The following UGT1A4 variants were observed in gnomAD, a reference collection of about 807,000 sequenced individuals.
UGT1A4 encodes the protein UDP glucuronosyltransferase family 1 member A4.
Under a neutral mutation model 41.1 loss-of-function variants are expected in UGT1A4, and 32 were observed. The ratio of observed to expected loss-of-function variants is 0.78; its 90% CI spans 0.59 to 1.05. The LOEUF (loss-of-function observed/expected upper bound fraction) is 1.05, where lower values mean the gene tolerates loss of function less well. Ranked by LOEUF, UGT1A4 falls within the 50% of genes least tolerant of loss-of-function variation. UGT1A4 has a pLI of 0.00. For missense variants in UGT1A4, 748 were observed against 677.4 expected (o/e 1.10, Z -1.16); for synonymous variants, 283 against 265.1 (o/e 1.07, Z -0.66).
Position 233,772,749 on chromosome 2 carries a change from G to C in UGT1A4, c.*190G>C. 7.0e-7 allele frequency: 1 copy of C among 1,420,230 alleles called. No homozygotes were observed. Among genetic ancestry groups the C allele is most frequent in the East Asian group, 2.5e-5 (1 of 40,006 alleles). 88.0% of individuals were successfully genotyped at this position (1,420,230 alleles called of 1,614,324 possible). Reference sequence around the variant, plus strand: ...GACTCGCTAGTCAGTAAAGATATTTGAATATGTATCGTGCCCCCTCTGGTG... The same window carrying C: ...GACTCGCTAGTCAGTAAAGATATTTCAATATGTATCGTGCCCCCTCTGGTG... On this transcript the variant is annotated 3_prime_UTR_variant, in exon 5 of 5. Coordinates refer to ENST00000373409, the MANE Select transcript of UGT1A4 (RefSeq NM_007120.3).
rs558465100 is a variant in UGT1A4, at chr2:233,752,900, G to C, written c.868-14134G>C. 2.3e-4 allele frequency among the ~76,000 whole-genome samples: 35 copies of C among 152,364 alleles called. No individual in the cohort carries two copies. The South Asian group carries it at 6.8e-3, about 30-fold the overall frequency. ...GTTAAAACTAGCCAGCGTTGTTACA[G>C]ATCCACCTCTGAGTGACACTGGTAT... On this transcript the variant is annotated intron_variant, in intron 1 of 4. Transcript: ENST00000373409.
At position 233,719,289 on chromosome 2, in the gene UGT1A4, T is replaced by A; in HGVS notation, c.469T>A (p.Cys157Ser). 6.2e-7 allele frequency: 1 copy of A among 1,614,098 alleles called. No individual in the cohort carries two copies. The highest frequency in any genetic ancestry group is 1.3e-5 in the African/African-American group (1 of 75,046). The change falls in exon 1 of 5, where the codon TGT becomes AGT. Residue 157 changes from cysteine to serine, a missense_variant. Cys to Ser is a moderately radical substitution (Grantham distance 112). Transcript: ENST00000373409. ...GGTTTTAACAGACCCCGTTAACCTCTGTGGGGCGGTGCTGGCTAAGTACCT... is the reference window on the plus strand; with the variant it reads ...GGTTTTAACAGACCCCGTTAACCTCAGTGGGGCGGTGCTGGCTAAGTACCT... Reference protein sequence around the residue: ...DVVLTDPVNLCGAVLAKYLSI... With the variant: ...DVVLTDPVNLSGAVLAKYLSI...
At chr2:233,764,352 G>A (rs1698541814) in intron 1 of UGT1A4, among the ~76,000 whole-genome samples, 1 of 152,214 alleles carries the variant, frequency 6.6e-6, no homozygotes, top group Admixed American at 6.5e-5. Context: ...CCTTTATTGA[G>A]CCTCATAGTA....
intron 1 of UGT1A4, chr2:233,743,968 T>C (rs1283229468): frequency 3.0e-6 from 4 of 1,327,120 alleles, no homozygotes; most frequent in Non-Finnish European, 4.0e-6. Context: ...GCGGCAAGGC[T>C]GCCAGCACCC....
chr2:233,740,927 G>A (rs1691506566), intron 1 of UGT1A4: 1 of 150,310 alleles, frequency 6.7e-6, no homozygotes, highest in African/African-American at 2.5e-5. Flanking sequence ...TCCACAAAAA[G>A]TTTTTTTTTT....
chr2:233,740,221 TC>T (rs1691341111), intron 1 of UGT1A4, among the ~76,000 whole-genome samples: 1 of 151,864 alleles, frequency 6.6e-6, no homozygotes, highest in Non-Finnish European at 1.5e-5. Flanking sequence ...CTCAGCTGCG[TC>T]TTTATAGCAG....
Position 233,747,361 on chromosome 2 carries a change from A to T in UGT1A4, c.868-19673A>T, listed in dbSNP as rs1260496106. 17 of 1,603,206 alleles carry T rather than the reference A, an allele frequency of 1.1e-5. No individual in the cohort carries two copies. In the African/African-American group the frequency reaches 1.9e-4, roughly 18 times the overall value. On this transcript the variant is annotated intron_variant, in intron 1 of 4. Coordinates refer to ENST00000373409, the MANE Select transcript of UGT1A4 (RefSeq NM_007120.3). Reference sequence around the variant, plus strand: ...GCTCGCATGCGGGAGGCCGTGCGGGAGCTCCATGCCAGAGGCCACCAGGCG... The same window carrying T: ...GCTCGCATGCGGGAGGCCGTGCGGGTGCTCCATGCCAGAGGCCACCAGGCG...
chr2:233,762,171 C>T (rs564011835), intron 1 of UGT1A4, among the ~76,000 whole-genome samples: 29 of 152,266 alleles, frequency 1.9e-4, no homozygotes, highest in African/African-American at 6.5e-4. Flanking sequence ...CTGTATGCGG[C>T]GTCCTCAACA....
At chr2:233,768,719 A>G (rs553176637) in intron 4 of UGT1A4, among the ~76,000 whole-genome samples, 366 of 149,864 alleles carry the variant, frequency 2.4e-3, no homozygotes, top group African/African-American at 8.5e-3. Flanking sequence ...TGTAGCTGGG[A>G]TTACAGGTGT....
In UGT1A4 at chr2:233,769,405, G is replaced by A. The variant is rs932646645; in HGVS notation, c.1307+966G>A. On this transcript the variant is annotated intron_variant, in intron 4 of 4. Coordinates refer to ENST00000373409, the MANE Select transcript of UGT1A4 (RefSeq NM_007120.3). This position sits in a 1 kb window ranked among gnomAD's most constrained non-coding sequence, Gnocchi z 4.4. ...CAATAGATACTGTGTGCATATGTGC[G>A]TGTGCGTTTGTGCATGTGGCTGTGC... 111 of 1,239,692 alleles carry A rather than the reference G, an allele frequency of 9.0e-5. No homozygotes were observed. The South Asian group carries it at 1.2e-3, about 14-fold the overall frequency. The allele number at this position is 1,239,692 out of a possible 1,614,324, so 76.8% of individuals were successfully genotyped here.
Position 233,772,379 on chromosome 2 carries a change from G to A in UGT1A4, c.1425G>A (p.Leu475=), listed in dbSNP as rs1255487594. ...FVMRHKGAPH[L]RPAAHDLTWY... is the part of the protein sequence containing the mutation. ...TGAGGCACAAGGGCGCGCCACACCTGCGCCCCGCAGCCCACGACCTCACCT... is the reference window on the plus strand; with the variant it reads ...TGAGGCACAAGGGCGCGCCACACCTACGCCCCGCAGCCCACGACCTCACCT... The change falls in exon 5 of 5, where the codon CTG becomes CTA. Residue 475 remains leucine, a synonymous_variant. Transcript: ENST00000373409. 1.2e-6 allele frequency: 2 copies of A among 1,614,130 alleles called. No individual in the cohort carries two copies. The highest frequency in any genetic ancestry group is 2.7e-5 in the African/African-American group (2 of 74,950).
At chr2:233,731,444 C>T (rs1406518964) in intron 1 of UGT1A4, among the ~76,000 whole-genome samples, 1 of 152,126 alleles carries the variant, frequency 6.6e-6, no homozygotes, top group Non-Finnish European at 1.5e-5. Flanking sequence ...CAGTCCCCCA[C>T]CCCACAACAG....
In UGT1A4 at chr2:233,725,255, AGAGGCAGAG is replaced by A. The variant is rs1488139555; in HGVS notation, c.867+5579_867+5587del. On this transcript the variant is annotated intron_variant, in intron 1 of 4. Coordinates refer to ENST00000373409, the MANE Select transcript of UGT1A4 (RefSeq NM_007120.3). Reference sequence around the variant, plus strand: ...CAGAGGAGGCAGAGGCAGAGGAGGCAGAGGCAGAGGAGGCAGAGGCAGAGGCAGAGGCAG... The same window carrying A: ...CAGAGGAGGCAGAGGCAGAGGAGGCAGAGGCAGAGGCAGAGGCAGAGGCAG... Among the ~76,000 whole-genome samples, 19 of 63,990 alleles carry A rather than the reference AGAGGCAGAG, an allele frequency of 3.0e-4. 2 individuals carry two copies. Among genetic ancestry groups the A allele is most frequent in the African/African-American group, 1.5e-3 (12 of 7,816 alleles). 42.0% of individuals were successfully genotyped at this position (63,990 alleles called of 152,430 possible).
chr2:233,734,814 T>C (rs1435677424), intron 1 of UGT1A4, among the ~76,000 whole-genome samples: 1 of 152,246 alleles, frequency 6.6e-6, no homozygotes, highest in East Asian at 1.9e-4. Flanking sequence ...TTCCATGTAG[T>C]TGTGCGATTT....
intron 1 of UGT1A4, among the ~76,000 whole-genome samples, chr2:233,724,130 C>A (rs2077172730): frequency 2.5e-5 from 3 of 120,862 alleles, no homozygotes; most frequent in Non-Finnish European, 3.4e-5. Flanking sequence ...CCCCTCACCT[C>A]CCGGACGGGG....
At position 233,760,497 on chromosome 2, in the gene UGT1A4, C is replaced by G. The variant is rs1553620689; in HGVS notation, c.868-6537C>G. ...CTGACGCCTCGTTGTACATCAGAGACGGAGCATTTTACACCTTGAAGACGT... is the reference window on the plus strand; with the variant it reads ...CTGACGCCTCGTTGTACATCAGAGAGGGAGCATTTTACACCTTGAAGACGT... On this transcript the variant is annotated intron_variant, in intron 1 of 4. Transcript: ENST00000373409. 1.2e-6 allele frequency: 2 copies of G among 1,614,200 alleles called. No individual in the cohort carries two copies. The highest frequency in any genetic ancestry group is 2.7e-5 in the African/African-American group (2 of 75,048).
chr2:233,760,323 C>G (rs760176104), intron 1 of UGT1A4: 27 of 1,613,844 alleles, frequency 1.7e-5, no homozygotes, highest in Non-Finnish European at 2.3e-5. Flanking sequence ...GCCCACTTGT[C>G]CTGGGCCTGC....
At chr2:233,747,302 A>C (rs1182136395) in intron 1 of UGT1A4, 17 of 1,602,464 alleles carry the variant, frequency 1.1e-5, no homozygotes, top group Non-Finnish European at 1.5e-5. Flanking sequence ...GAGAGTGGGA[A>C]GGTGCTGGTG....
chr2:233,760,383 G>A (rs1029837369), intron 1 of UGT1A4: 1 of 1,614,062 alleles, frequency 6.2e-7, no homozygotes, highest in African/African-American at 1.3e-5. Flanking sequence ...AGATACTGTT[G>A]ATCCCAGTGG....
Sources: gnomAD v4.1 joint callset for allele counts (sites outside exome capture counted in the v4.1 genomes callset) on GRCh38, gnomAD v4.1.1 for gene constraint, Gnocchi (gnomAD v3.1) non-coding constraint, MANE v1.5 for transcripts, NCBI Gene and HGNC (gene_info 2026-07-23, HGNC 2026-07-21) for gene names.